The following PHACTR4 variants were observed in gnomAD, a reference collection of about 807,000 sequenced individuals.
PHACTR4 encodes the protein phosphatase and actin regulator 4.
PHACTR4 carries 51 observed loss-of-function variants against 72.7 expected under a neutral mutation model. The observed-to-expected ratio is 0.70, with a 90% CI of 0.56 to 0.89. PHACTR4 has a LOEUF of 0.89. Among genes scored for constraint, PHACTR4 ranks in the 40% least tolerant of loss-of-function variants. The pLI is 0.00. For synonymous variants in PHACTR4, 255 were observed against 302.5 expected (o/e 0.84, Z 1.63); for missense variants, 731 against 861.8 (o/e 0.85, Z 1.90).
At chr1:28,389,402 TAA>T (rs1652819758) in intron 1 of PHACTR4, among the ~76,000 whole-genome samples, 1 of 150,462 alleles carries the variant, frequency 6.6e-6, no homozygotes, top group Non-Finnish European at 1.5e-5. Flanking sequence ...AGAAAAAAAA[TAA>T]CAAGTGTTGG....
intron 1 of PHACTR4, among the ~76,000 whole-genome samples, chr1:28,381,641 A>G (rs1208160597): frequency 6.6e-6 from 1 of 152,074 alleles, no homozygotes; most frequent in Non-Finnish European, 1.5e-5. Context: ...CCTGACTGGT[A>G]TAAGATGGTA....
chr1:28,375,994 G>C (rs553769906), intron 1 of PHACTR4, among the ~76,000 whole-genome samples: 76 of 152,066 alleles, frequency 5.0e-4, no homozygotes, highest in African/African-American at 1.7e-3. Context: ...GCTTGAACTC[G>C]GGAGGCGGAG....
intron 2 of PHACTR4, among the ~76,000 whole-genome samples, chr1:28,430,771 A>T (rs1656203889): frequency 6.6e-6 from 1 of 152,208 alleles, no homozygotes; most frequent in Admixed American, 6.5e-5. Flanking sequence ...AGCTATAATT[A>T]AAATAGTCAA....
chr1:28,422,580 G>A (rs796179168), intron 2 of PHACTR4: 10 of 152,218 alleles, frequency 6.6e-5, no homozygotes, highest in African/African-American at 2.4e-4. Context: ...TGAAGCAGTG[G>A]GAGGGGAGAA....
chr1:28,483,530 G>A (rs1306034737), intron 9 of PHACTR4, among the ~76,000 whole-genome samples: 1 of 152,050 alleles, frequency 6.6e-6, no homozygotes, highest in East Asian at 1.9e-4. Context: ...GGCCGGACGC[G>A]GTGGCTCACG....
intron 6 of PHACTR4, among the ~76,000 whole-genome samples, chr1:28,472,152 G>T (rs1334906973): frequency 1.3e-5 from 2 of 151,192 alleles, no homozygotes; most frequent in Non-Finnish European, 2.9e-5. Context: ...GGCAGAGCTT[G>T]CAGTGAGCCG....
At chr1:28,480,377 A>G in intron 8 of PHACTR4, 74 bp from the exon 9 acceptor site, 1 of 1,538,228 alleles carries the variant, frequency 6.5e-7, no homozygotes, top group Non-Finnish European at 8.9e-7. Flanking sequence ...CAGACTCTTG[A>G]CTAGCTCCAG....
chr1:28,382,513 C>T (rs1040710337), intron 1 of PHACTR4, among the ~76,000 whole-genome samples: 4 of 151,882 alleles, frequency 2.6e-5, no homozygotes, highest in Admixed American at 1.3e-4. Flanking sequence ...CCGTGCTAGC[C>T]GGGATGGTCT....
At chr1:28,397,097 A>G (rs926289323) in intron 1 of PHACTR4, among the ~76,000 whole-genome samples, 15 of 152,140 alleles carry the variant, frequency 9.9e-5, no homozygotes, top group African/African-American at 3.1e-4. Flanking sequence ...GTGTTTTTAG[A>G]CATTGTGTAT....
At chr1:28,377,180 C>T (rs1396630037) in intron 1 of PHACTR4, among the ~76,000 whole-genome samples, 3 of 151,726 alleles carry the variant, frequency 2.0e-5, no homozygotes, top group African/African-American at 7.3e-5. Flanking sequence ...TCAGGTGATC[C>T]ACCTACCTTG....
intron 6 of PHACTR4, 108 bp downstream of exon 6, chr1:28,466,876 A>G: frequency 6.9e-7 from 1 of 1,446,930 alleles, no homozygotes. Context: ...AATTTTCCAT[A>G]TCTTGTCCCT....
chr1:28,433,936 A>C (rs574314382), intron 2 of PHACTR4, among the ~76,000 whole-genome samples: 1 of 151,878 alleles, frequency 6.6e-6, no homozygotes, highest in Admixed American at 6.6e-5. Flanking sequence ...TCCCGCCACC[A>C]CGCCCGGCTA....
At chr1:28,491,122 A>C in intron 11 of PHACTR4, 110 bp downstream of exon 11, 1 of 1,111,234 alleles carries the variant, frequency 9.0e-7, no homozygotes. Flanking sequence ...TAATCCCAGC[A>C]CTTTGGAAGG....
At chr1:28,481,585 T>G (rs756184326) in intron 9 of PHACTR4, 2 of 150,176 alleles carry the variant, frequency 1.3e-5, no homozygotes, top group Admixed American at 6.6e-5. Flanking sequence ...AGGTCAGGAG[T>G]TCAAGACCAG....
chr1:28,406,979 G>A (rs1308796130), intron 1 of PHACTR4, among the ~76,000 whole-genome samples: 1 of 151,934 alleles, frequency 6.6e-6, no homozygotes. Flanking sequence ...AAAAAAACTT[G>A]CCTTTTTCCC....
intron 9 of PHACTR4, among the ~76,000 whole-genome samples, chr1:28,482,759 G>A (rs941674622): frequency 2.0e-5 from 3 of 151,918 alleles, no homozygotes; most frequent in African/African-American, 7.3e-5. Context: ...GGGCAACAAA[G>A]TGAGATCCCA....
chr1:28,487,877 A>G (rs1241280190), intron 9 of PHACTR4, among the ~76,000 whole-genome samples: 1 of 151,694 alleles, frequency 6.6e-6, no homozygotes, highest in Non-Finnish European at 1.5e-5. Context: ...CTGGGACTAC[A>G]GGAGCACGCC....
chr1:28,446,994 G>A (rs996799007), intron 2 of PHACTR4, among the ~76,000 whole-genome samples: 2 of 138,872 alleles, frequency 1.4e-5, no homozygotes, highest in African/African-American at 6.5e-5. Context: ...CCAGTCTCAG[G>A]TATTTCTTTT....
rs141324674 is a variant in PHACTR4 at position 28,392,092 on chromosome 1, A to G, written c.-38-15318A>G. Among the ~76,000 whole-genome samples the G allele has an allele frequency of 1.3e-4, 20 of 152,238 alleles. No homozygotes were observed. The East Asian group carries it at 1.9e-3, about 15-fold the overall frequency. ...TGCTTTCTGTGGTTTTAGTTACCCA[A>G]GATCAGCCATGGTCTGAAGATATGA... On this transcript the variant is annotated intron_variant, in intron 1 of 13. Coordinates refer to ENST00000373839, the MANE Select transcript of PHACTR4 (RefSeq NM_001048183.3).
Sources: gnomAD v4.1 joint callset for allele counts (sites outside exome capture counted in the v4.1 genomes callset) on GRCh38, gnomAD v4.1.1 for gene constraint, MANE v1.5 for transcripts, NCBI Gene and HGNC (gene_info 2026-07-23, HGNC 2026-07-21) for gene names.